The following NKAIN2 variants were observed in gnomAD, a reference collection of about 807,000 sequenced individuals.
NKAIN2 encodes the protein sodium/potassium-transporting ATPase subunit beta-1-interacting protein 2.
Under a neutral mutation model 32.6 loss-of-function variants are expected in NKAIN2, and 14 were observed. The ratio of observed to expected loss-of-function variants is 0.43; its 90% CI spans 0.28 to 0.67. The LOEUF (loss-of-function observed/expected upper bound fraction) is 0.67. Ranked by LOEUF, NKAIN2 falls within the 30% of genes least tolerant of loss-of-function variation. The pLI, the probability that NKAIN2 is intolerant of heterozygous loss-of-function variation, is 0.17. For missense variants in NKAIN2, 198 were observed against 258.3 expected (o/e 0.77, Z 1.60); for synonymous variants, 80 against 87.2 (o/e 0.92, Z 0.46).
At chr6:124,662,550 G>GA (rs952363746) in intron 4 of NKAIN2, among the ~76,000 whole-genome samples, 7 of 152,094 alleles carry the variant, frequency 4.6e-5, no homozygotes, top group African/African-American at 1.7e-4. Flanking sequence ...ACAGATTGAG[G>GA]AAAAAAATGT....
intron 4 of NKAIN2, among the ~76,000 whole-genome samples, chr6:124,783,722 T>C (rs918534280): frequency 6.6e-6 from 1 of 152,204 alleles, no homozygotes; most frequent in African/African-American, 2.4e-5. Flanking sequence ...TTAATAACAC[T>C]GATATAATCA....
chr6:124,713,123 C>CA (rs551127673), intron 4 of NKAIN2, among the ~76,000 whole-genome samples: 46 of 151,870 alleles, frequency 3.0e-4, no homozygotes, highest in South Asian at 1.9e-3. Flanking sequence ...TAAAGCACCA[C>CA]AAAAAAATAA....
At chr6:123,982,007 C>A (rs1436004078) in intron 1 of NKAIN2, among the ~76,000 whole-genome samples, 1 of 152,128 alleles carries the variant, frequency 6.6e-6, no homozygotes, top group African/African-American at 2.4e-5. Flanking sequence ...ACTATGTAAT[C>A]TTTTTATAAG....
chr6:124,602,382 A>G (rs1312928953), intron 3 of NKAIN2, among the ~76,000 whole-genome samples: 2 of 151,924 alleles, frequency 1.3e-5, no homozygotes, highest in African/African-American at 4.8e-5. Flanking sequence ...CCAGTTTTTT[A>G]TTTGGAACAA....
chr6:124,485,713 C>T (rs1777623112), intron 3 of NKAIN2, among the ~76,000 whole-genome samples: 1 of 152,064 alleles, frequency 6.6e-6, no homozygotes, highest in East Asian at 1.9e-4. Flanking sequence ...CTGAGCCCTT[C>T]TAATAAAGCT....
At position 124,357,900 on chromosome 6, in the gene NKAIN2, A is replaced by G. The variant is rs577157617; in HGVS notation, c.273+2553A>G. 1.6e-3 allele frequency among the ~76,000 whole-genome samples: 237 copies of G among 151,306 alleles called. 2 individuals are homozygous for G. The highest frequency in any genetic ancestry group is 0.014 in the Middle Eastern group (4 of 294). Reference sequence around the variant, plus strand: ...ATTAACTCGTCATTTAACATTAGGTATATCTCCTAATGCTATCCCTCCCCC... The same window carrying G: ...ATTAACTCGTCATTTAACATTAGGTGTATCTCCTAATGCTATCCCTCCCCC... On this transcript the variant is annotated intron_variant, in intron 3 of 6. Coordinates refer to ENST00000368417, the MANE Select transcript of NKAIN2 (RefSeq NM_001040214.3).
At chr6:124,551,588 A>C (rs906313916) in intron 3 of NKAIN2, among the ~76,000 whole-genome samples, 3 of 152,212 alleles carry the variant, frequency 2.0e-5, no homozygotes, top group African/African-American at 7.2e-5. Context: ...AAAAAATGTC[A>C]TTACTGCTTT....
At chr6:123,892,365 A>C (rs1308624233) in intron 1 of NKAIN2, among the ~76,000 whole-genome samples, 2 of 152,148 alleles carry the variant, frequency 1.3e-5, no homozygotes, top group Non-Finnish European at 2.9e-5. Context: ...ATGTCTGGGG[A>C]GGCCTCAGGG....
At chr6:124,353,114 A>G (rs1798804399) in intron 2 of NKAIN2, among the ~76,000 whole-genome samples, 1 of 152,148 alleles carries the variant, frequency 6.6e-6, no homozygotes, top group Admixed American at 6.6e-5. Context: ...GAATCTGAAA[A>G]TAATGATTTT....
intron 3 of NKAIN2, among the ~76,000 whole-genome samples, chr6:124,442,861 A>G (rs1321194001): frequency 6.6e-6 from 1 of 152,058 alleles, no homozygotes; most frequent in East Asian, 1.9e-4. Context: ...TTGCTCATCA[A>G]AGATGTTTCT....
intron 1 of NKAIN2, among the ~76,000 whole-genome samples, chr6:124,068,650 G>C (rs1783300863): frequency 6.6e-6 from 1 of 151,934 alleles, no homozygotes; most frequent in South Asian, 2.1e-4. Context: ...CAAGTAGTTG[G>C]GTTGGTGGAC....
intron 1 of NKAIN2, among the ~76,000 whole-genome samples, chr6:123,864,716 T>C (rs1330290318): frequency 6.6e-6 from 1 of 152,136 alleles, no homozygotes; most frequent in Non-Finnish European, 1.5e-5. Flanking sequence ...GAAGTGAGCT[T>C]GGCTAAGTTA....
intron 4 of NKAIN2, among the ~76,000 whole-genome samples, chr6:124,731,108 T>C (rs1776643153): frequency 7.2e-6 from 1 of 138,946 alleles, no homozygotes; most frequent in Non-Finnish European, 1.5e-5. Context: ...TCTACACTGT[T>C]GGTGGGACTG....
At chr6:124,643,374 T>G (rs1784059715) in intron 3 of NKAIN2, among the ~76,000 whole-genome samples, 1 of 152,170 alleles carries the variant, frequency 6.6e-6, no homozygotes, top group African/African-American at 2.4e-5. Context: ...TAAAATTGTC[T>G]TTTTTCCCCT....
At chr6:124,731,923 C>T (rs1324283445) in intron 4 of NKAIN2, among the ~76,000 whole-genome samples, 1 of 151,908 alleles carries the variant, frequency 6.6e-6, no homozygotes, top group African/African-American at 2.4e-5. Flanking sequence ...GTTAAATGTC[C>T]ATATGAAAAT....
intron 3 of NKAIN2, among the ~76,000 whole-genome samples, chr6:124,591,806 G>A (rs1038117052): frequency 2.6e-5 from 4 of 152,110 alleles, no homozygotes; most frequent in African/African-American, 7.2e-5. Flanking sequence ...AGGAAACGTG[G>A]TTATAGTGTC....
intron 1 of NKAIN2, among the ~76,000 whole-genome samples, chr6:123,943,018 G>T (rs533552629): frequency 6.6e-6 from 1 of 152,074 alleles, no homozygotes; most frequent in African/African-American, 2.4e-5. Context: ...TCAATCCCAT[G>T]TGCATTACAA....
chr6:124,153,105 G>T (rs558288981), intron 1 of NKAIN2, among the ~76,000 whole-genome samples: 1 of 151,910 alleles, frequency 6.6e-6, no homozygotes, highest in East Asian at 1.9e-4. Flanking sequence ...GAAAATGACA[G>T]TTAACAATAA....
intron 1 of NKAIN2, among the ~76,000 whole-genome samples, chr6:123,824,237 T>TTATGCACC (rs1774046493): frequency 3.9e-5 from 6 of 152,096 alleles, no homozygotes; most frequent in Non-Finnish European, 7.4e-5. Flanking sequence ...GTCCATGCAC[T>TTATGCACC]AACACTTATG....
Sources: gnomAD v4.1 joint callset for allele counts (sites outside exome capture counted in the v4.1 genomes callset) on GRCh38, gnomAD v4.1.1 for gene constraint, MANE v1.5 for transcripts, NCBI Gene and HGNC (gene_info 2026-07-23, HGNC 2026-07-21) for gene names.